ODAD4: variants seen among roughly 807,000 people sequenced by gnomAD.
The protein encoded by ODAD4 is outer dynein arm-docking complex subunit 4.
A neutral mutation model predicts 51.8 loss-of-function variants in ODAD4; 49 were observed. The ratio of observed to expected loss-of-function variants is 0.95; its 90% confidence interval spans 0.75 to 1.20. The LOEUF is 1.20. Ranked by LOEUF, ODAD4 falls within the 50% of genes most tolerant of loss-of-function variation. ODAD4 has a pLI of 0.00. For synonymous variants in ODAD4, 235 were observed against 221.3 expected (o/e 1.06, Z -0.55); for missense variants, 590 against 586.5 (o/e 1.01, Z -0.06).
intron 9 of ODAD4, 24 bp from the exon 10 acceptor site, chr17:41,955,193 G>A (rs1555640817): frequency 2.6e-6 from 2 of 764,730 alleles, no homozygotes; most frequent in South Asian, 1.4e-5. Flanking sequence ...TACCTGTGTT[G>A]TGCCTTCTCC....
chr17:41,956,614 C>T (rs36036083), intron 10 of ODAD4, among the ~76,000 whole-genome samples: 27,651 of 151,350 alleles, frequency 0.18, 2,690 homozygotes, highest in African/African-American at 0.21. Flanking sequence ...AAAAATTAGC[C>T]GGGTGTGGTG....
rs530435098 is a variant in ODAD4, at chr17:41,964,904, A to G, written c.1529-89A>G. ...GGGATCTGCCTGCCTCAGCCTCCCA[A>G]AGTGCTGAGATTACAGGCGTGAGCC... On this transcript the variant is annotated intron_variant, in intron 11 of 11. Coordinates refer to ENST00000377540, the MANE Select transcript of ODAD4 (RefSeq NM_031421.5). 24 of 613,898 alleles carry G rather than the reference A, an allele frequency of 3.9e-5. No homozygotes were observed. The East Asian group carries it at 6.1e-4, about 16-fold the overall frequency. 38.0% of individuals were successfully genotyped at this position (613,898 alleles called of 1,614,324 possible). A position where few individuals can be genotyped will look rare whatever the true frequency, so the allele number is the denominator to read the frequency against.
At chr17:41,936,625 C>T in intron 4 of ODAD4, 91 bp downstream of exon 4, 1 of 1,508,354 alleles carries the variant, frequency 6.6e-7, no homozygotes, top group South Asian at 1.1e-5. Flanking sequence ...TGCAACCTGA[C>T]CAGGCATACT....
chr17:41,932,327 T>C (rs1555637046), intron 1 of ODAD4, among the ~76,000 whole-genome samples: 1 of 151,760 alleles, frequency 6.6e-6, no homozygotes, highest in African/African-American at 2.4e-5. Context: ...CACCTCAGCC[T>C]CCCAAAGTGC....
intron 5 of ODAD4, 117 bp from the exon 6 acceptor site, chr17:41,938,440 C>A: frequency 2.5e-6 from 2 of 811,504 alleles, no homozygotes; most frequent in Non-Finnish European, 3.9e-6. Context: ...TCTGTTTCAA[C>A]AACTCCAAGC....
intron 10 of ODAD4, among the ~76,000 whole-genome samples, chr17:41,955,550 C>T (rs1555640896): frequency 6.6e-6 from 1 of 152,118 alleles, no homozygotes. Context: ...CCTCAGCCTC[C>T]CAAGTAGCTA....
chr17:41,939,985 T>C (rs1412756458), intron 7 of ODAD4, among the ~76,000 whole-genome samples: 1 of 152,160 alleles, frequency 6.6e-6, no homozygotes, highest in Non-Finnish European at 1.5e-5. Flanking sequence ...CTTAGGACAG[T>C]GCCTGGTATC....
At chr17:41,963,896 G>A (rs1204483542) in intron 11 of ODAD4, among the ~76,000 whole-genome samples, 1 of 138,034 alleles carries the variant, frequency 7.2e-6, no homozygotes, top group Non-Finnish European at 1.6e-5. Flanking sequence ...ATGAGCCACT[G>A]TGCCTTTTTT....
intron 7 of ODAD4, 137 bp downstream of exon 7, chr17:41,939,309 G>A (rs1200114630): frequency 3.3e-5 from 29 of 891,052 alleles, no homozygotes; most frequent in Non-Finnish European, 4.5e-5. Flanking sequence ...TCTCCTGGAG[G>A]TGGGGACCAC....
intron 9 of ODAD4, among the ~76,000 whole-genome samples, chr17:41,950,406 G>A (rs1244616525): frequency 6.8e-6 from 1 of 146,310 alleles, no homozygotes; most frequent in Non-Finnish European, 1.5e-5. Flanking sequence ...TTTTTGAGAT[G>A]GAGACTCACT....
chr17:41,936,418 A>G (rs2050427359), intron 3 of ODAD4, 55 bp from the exon 4 acceptor site: 1 of 1,284,950 alleles, frequency 7.8e-7, no homozygotes, highest in Non-Finnish European at 1.1e-6. Context: ...AAAATATGTG[A>G]TAAGTCATGC....
At position 41,938,546 on chromosome 17, in the gene ODAD4, C is replaced by T. The variant is rs71373473; in HGVS notation, c.626-11C>T. On this transcript the variant is annotated splice_polypyrimidine_tract_variant and intron_variant, in intron 5 of 11. Coordinates refer to ENST00000377540, the MANE Select transcript of ODAD4 (RefSeq NM_031421.5). Reference sequence around the variant, plus strand: ...TTCTCCTTGGCGCCTCCTCACACCCCTTCCCCACAGACCTGATCAAAGGCA... The same window carrying T: ...TTCTCCTTGGCGCCTCCTCACACCCTTTCCCCACAGACCTGATCAAAGGCA... 1.9e-6 allele frequency: 3 copies of T among 1,612,540 alleles called. No individual in the cohort carries two copies. Among genetic ancestry groups the T allele is most frequent in the South Asian group, 2.2e-5 (2 of 90,992 alleles).
chr17:41,961,357 G>A, intron 10 of ODAD4, 25 bp from the exon 11 acceptor site: 1 of 730,258 alleles, frequency 1.4e-6, no homozygotes, highest in Admixed American at 2.0e-5. Flanking sequence ...AAACACAGGG[G>A]CTAAGCTCCC....
chr17:41,931,589 G>A (rs1347704060), intron 1 of ODAD4, among the ~76,000 whole-genome samples: 1 of 152,186 alleles, frequency 6.6e-6, no homozygotes, highest in East Asian at 1.9e-4. Flanking sequence ...TGCCCAGGCT[G>A]GAGTGCAGTG....
chr17:41,932,452 A>C (rs1473147339), intron 1 of ODAD4, among the ~76,000 whole-genome samples: 1 of 152,234 alleles, frequency 6.6e-6, no homozygotes, highest in Non-Finnish European at 1.5e-5. Flanking sequence ...TGGCAGAGGA[A>C]GGATTCAAAG....
At position 41,936,534 on chromosome 17, in the gene ODAD4, G is replaced by C; in HGVS notation, c.459G>C (p.Glu153Asp). 6.2e-7 allele frequency: 1 copy of C among 1,612,382 alleles called. No homozygotes were observed. The highest frequency in any genetic ancestry group is 8.5e-7 in the Non-Finnish European group (1 of 1,178,948). ...GDLSFLSKQAENIKAQQKPQP... is the reference protein window; with the variant it reads ...GDLSFLSKQADNIKAQQKPQP... ...TCTCCTTCTTAAGCAAGCAGGCTGA[G>C]GTAAGGGCCCTGGTTCTGTGGTTGT... is the stretch of plus-strand genomic sequence containing the variant. The change falls in exon 4 of 12, where the codon GAG becomes GAC. Residue 153 changes from glutamate (E) to aspartate (D), a missense_variant and splice_region_variant. Physicochemically the swap from Glu to Asp is conservative, Grantham distance 45. This residue lies in a region of ODAD4 where 360 missense variants were observed against 407.5 expected (regional missense o/e 0.88). Coordinates refer to ENST00000377540, the MANE Select transcript of ODAD4 (RefSeq NM_031421.5).
chr17:41,955,049 A>T, intron 9 of ODAD4, 168 bp from the exon 10 acceptor site: 1 of 709,842 alleles, frequency 1.4e-6, no homozygotes, highest in Non-Finnish European at 2.6e-6. Flanking sequence ...ACACGGTGGA[A>T]AGGATGGTGC....
At chr17:41,932,862 A>C (rs1555637163) in intron 1 of ODAD4, among the ~76,000 whole-genome samples, 1 of 151,578 alleles carries the variant, frequency 6.6e-6, no homozygotes, top group African/African-American at 2.4e-5. Flanking sequence ...ACAGTGCCCT[A>C]AAAACATGTT....
intron 7 of ODAD4, 28 bp downstream of exon 7, chr17:41,939,200 G>T (rs181824105): frequency 1.3e-6 from 2 of 1,596,190 alleles, no homozygotes; most frequent in Admixed American, 1.7e-5. Context: ...GGCCACTGGC[G>T]TGAGCCTACG....
Sources: gnomAD v4.1 joint callset for allele counts (sites outside exome capture counted in the v4.1 genomes callset) on GRCh38, gnomAD v4.1.1 for gene constraint, gnomAD v4.1.1 regional missense constraint, MANE v1.5 for transcripts, NCBI Gene and HGNC (gene_info 2026-07-23, HGNC 2026-07-21) for gene names.